The following RUFY4 variants were observed in gnomAD, a reference collection of about 807,000 sequenced individuals.
The protein encoded by RUFY4 is RUN and FYVE domain-containing protein 4.
RUFY4 carries 73 observed loss-of-function variants against 69.0 expected under a neutral mutation model. That is an observed-to-expected ratio of 1.06 (90% confidence interval 0.88 to 1.29). The LOEUF is 1.29. Among genes scored for constraint, RUFY4 ranks in the 50% most tolerant of loss-of-function variants. RUFY4 has a pLI of 0.00. For synonymous variants in RUFY4, 287 were observed against 271.8 expected (o/e 1.06, Z -0.55); for missense variants, 770 against 705.6 (o/e 1.09, Z -1.03).
upstream of RUFY4, chr2:218,069,406 G>A (rs1689425935): frequency 6.6e-6 from 1 of 152,118 alleles, no homozygotes; most frequent in African/African-American, 2.4e-5. Flanking sequence ...GATGCCAGGA[G>A]CCAGGGGAGG....
chr2:218,084,446 G>T (rs1319294110), intron 9 of RUFY4, among the ~76,000 whole-genome samples: 1 of 151,948 alleles, frequency 6.6e-6, no homozygotes, highest in Non-Finnish European at 1.5e-5. Context: ...TGGTCAGGCT[G>T]GTCTTGAACT....
chr2:218,047,440 C>T (rs1052924436), intron 2 of RUFY4, among the ~76,000 whole-genome samples: 6 of 151,710 alleles, frequency 4.0e-5, no homozygotes, highest in East Asian at 1.9e-4. Flanking sequence ...TTTTTTATTC[C>T]GGATCAATAA....
chr2:218,062,747 A>G (rs1363313002), intron 3 of RUFY4, among the ~76,000 whole-genome samples: 1 of 152,278 alleles, frequency 6.6e-6, no homozygotes, highest in East Asian at 1.9e-4. Flanking sequence ...ATAAAAATAA[A>G]TAAATAATAA....
At chr2:218,073,360 G>A (rs1346508925) in exon 5 of RUFY4, 1 of 1,592,530 alleles carries the variant, frequency 6.3e-7, no homozygotes, top group Middle Eastern at 1.7e-4. Context: ...AGCCAGACCT[G>A]GATGGAGCCT....
At chr2:218,040,871 G>C in intron 2 of RUFY4, among the ~76,000 whole-genome samples, 1 of 151,750 alleles carries the variant, frequency 6.6e-6, no homozygotes, top group Admixed American at 6.6e-5. Flanking sequence ...ATAGGGGTAC[G>C]AGACCCCACT....
At chr2:218,089,301 C>G in exon 10 of RUFY4, 1 of 1,613,876 alleles carries the variant, frequency 6.2e-7, no homozygotes, top group Non-Finnish European at 8.5e-7. Context: ...TTCCATGGCT[C>G]CCGAGTGCTG....
At position 218,073,886 on chromosome 2, in the gene RUFY4, G is replaced by A; in HGVS notation, c.600+1G>A. ...AAAAAACAAAGATGCCCCAAAGAAGGTGCCTCTGCCCTGCCTTCACTCTGA... is the reference window on the plus strand; with the variant it reads ...AAAAAACAAAGATGCCCCAAAGAAGATGCCTCTGCCCTGCCTTCACTCTGA... On this transcript the variant is annotated splice_donor_variant, in intron 6 of 10. Transcript: ENST00000344321. LOFTEE classifies it high-confidence loss of function. The A allele has an allele frequency of 5.0e-6, 8 of 1,613,814 alleles. No individual in the cohort carries two copies. The highest frequency in any genetic ancestry group is 1.7e-5 in the Admixed American group (1 of 60,002).
upstream of RUFY4, chr2:218,070,449 C>T (rs78233532): frequency 2.5e-3 from 1,714 of 683,846 alleles, 22 homozygotes; most frequent in Middle Eastern, 0.016. Context: ...GATTCTCCCC[C>T]TACTAGGTAA....
At chr2:218,046,052 G>A (rs573906798) in intron 2 of RUFY4, among the ~76,000 whole-genome samples, 13 of 152,058 alleles carry the variant, frequency 8.5e-5, no homozygotes, top group African/African-American at 2.7e-4. Context: ...TGATCCGCCC[G>A]CCTCGGCCTC....
Position 218,089,688 on chromosome 2 carries a change from G to C in RUFY4, c.1614-264G>C, listed in dbSNP as rs754115605. 16 of 703,190 alleles carry C rather than the reference G, an allele frequency of 2.3e-5. 1 individual carries two copies. In the South Asian group the frequency reaches 2.4e-4, roughly 10 times the overall value. 43.6% of individuals were successfully genotyped at this position (703,190 alleles called of 1,614,324 possible). A position where few individuals can be genotyped will look rare whatever the true frequency, so the allele number is the denominator to read the frequency against. On this transcript the variant is annotated intron_variant, in intron 10 of 10. Coordinates refer to ENST00000344321, the Ensembl canonical transcript of RUFY4. Reference sequence around the variant, plus strand: ...CCCCTCCTTCCTCTGTGAGCACAGTGCTAGGACCAGCCTTGGGAGAGAGGA... The same window carrying C: ...CCCCTCCTTCCTCTGTGAGCACAGTCCTAGGACCAGCCTTGGGAGAGAGGA...
chr2:218,073,943 A>C, intron 6 of RUFY4, 58 bp downstream of exon 8: 2 of 1,547,586 alleles, frequency 1.3e-6, no homozygotes, highest in Non-Finnish European at 1.8e-6. Context: ...TGGCATCCTC[A>C]AGTTGAGTAG....
intron 8 of RUFY4, among the ~76,000 whole-genome samples, chr2:218,078,568 G>A (rs558148118): frequency 6.6e-6 from 1 of 152,344 alleles, no homozygotes; most frequent in East Asian, 1.9e-4. Context: ...CTCAGAGGAA[G>A]ATGGGAGCCA....
upstream of RUFY4, among the ~76,000 whole-genome samples, chr2:218,069,934 C>T (rs540719329): frequency 1.1e-4 from 16 of 152,250 alleles, no homozygotes; most frequent in South Asian, 6.2e-4. Context: ...TACAACCAGG[C>T]GCCCTGCTCC....
chr2:218,068,490 G>A (rs1241259235), upstream of RUFY4: 1 of 153,268 alleles, frequency 6.5e-6, no homozygotes, highest in African/African-American at 2.4e-5. Flanking sequence ...CGGAGGAGAG[G>A]GCAGACGGGC....
chr2:218,039,887 T>A (rs775560678), intron 2 of RUFY4, among the ~76,000 whole-genome samples: 37 of 152,112 alleles, frequency 2.4e-4, no homozygotes, highest in Non-Finnish European at 8.8e-5. Flanking sequence ...CCAGACTACC[T>A]CAAAGCAGCC....
At chr2:218,072,986 G>A in intron 4 of RUFY4, 101 bp downstream of exon 6, 4 of 1,059,974 alleles carry the variant, frequency 3.8e-6, no homozygotes, top group Non-Finnish European at 4.0e-6. Flanking sequence ...TTTCTATCAA[G>A]GACAGTTACA....
At position 218,076,563 on chromosome 2, in the gene RUFY4, C is replaced by T. The variant is rs563379028; in HGVS notation, c.1355+30C>T. The T allele has an allele frequency of 9.1e-6, 14 of 1,546,602 alleles. No homozygotes were observed. In the East Asian group the frequency reaches 3.2e-4, roughly 35 times the overall value. On this transcript the variant is annotated intron_variant, in intron 8 of 10. Coordinates refer to ENST00000344321, the Ensembl canonical transcript of RUFY4. ...CCTTGGCAACCCACAGCACAGGGCA[C>T]CTGGAAGTGCTCCCTAGGTCCTGCT... is the stretch of plus-strand genomic sequence containing the variant.
chr2:218,073,120 C>G (rs1014407621), intron 4 of RUFY4, 123 bp from the exon 7 acceptor site: 2 of 1,290,594 alleles, frequency 1.5e-6, no homozygotes, highest in South Asian at 1.5e-5. Context: ...GCCTGGGGAA[C>G]AGCCTCATGA....
intron 3 of RUFY4, among the ~76,000 whole-genome samples, chr2:218,062,155 T>A (rs2106038684): frequency 6.6e-6 from 1 of 152,246 alleles, no homozygotes; most frequent in Non-Finnish European, 1.5e-5. Flanking sequence ...ATCCCAGCAC[T>A]TCGGGAGGCC....
Sources: gnomAD v4.1 joint callset for allele counts (sites outside exome capture counted in the v4.1 genomes callset) on GRCh38, gnomAD v4.1.1 for gene constraint, MANE v1.5 for transcripts, NCBI Gene and HGNC (gene_info 2026-07-23, HGNC 2026-07-21) for gene names.